The following USH2A variants were observed in gnomAD, a reference collection of about 807,000 sequenced individuals.
USH2A encodes usherin, also known as Usher syndrome 2A (autosomal recessive, mild).
In USH2A, 443 loss-of-function variants were observed where a neutral mutation model predicts 538.9. The observed-to-expected ratio is 0.82, with a 90% confidence interval of 0.76 to 0.89. The LOEUF (loss-of-function observed/expected upper bound fraction) is 0.89. Ranked by LOEUF, USH2A falls within the 40% of genes least tolerant of loss-of-function variation. The pLI is 0.00. For synonymous variants in USH2A, 2,413 were observed against 2,273.5 expected, an observed-to-expected ratio of 1.06 and a Z score of -1.75; for missense variants, 6,633 against 6,324.8, an observed-to-expected ratio of 1.05 and a Z score of -1.65.
intron 64 of USH2A, among the ~76,000 whole-genome samples, chr1:215,651,185 G>T (rs1259061834): frequency 6.6e-6 from 1 of 152,134 alleles, no homozygotes; most frequent in Non-Finnish European, 1.5e-5. Flanking sequence ...CTTAAACATT[G>T]TCCCCACCAA....
At chr1:215,658,053 C>G (rs530887878) in intron 64 of USH2A, among the ~76,000 whole-genome samples, 27 of 151,752 alleles carry the variant, frequency 1.8e-4, no homozygotes, top group African/African-American at 5.8e-4. Flanking sequence ...CCTGCCTCAG[C>G]CTCCCGAGTA....
intron 63 of USH2A, among the ~76,000 whole-genome samples, 179 bp downstream of exon 63, chr1:215,673,921 T>G (rs1657904038): frequency 6.6e-6 from 1 of 152,140 alleles, no homozygotes; most frequent in Non-Finnish European, 1.5e-5. Flanking sequence ...CTGGAGGTTA[T>G]GCAAGCAGGC....
At chr1:216,332,901 T>C (rs955559827) in intron 4 of USH2A, among the ~76,000 whole-genome samples, 2 of 152,066 alleles carry the variant, frequency 1.3e-5, no homozygotes, top group Non-Finnish European at 2.9e-5. Flanking sequence ...GTGTTTAAAA[T>C]GTCTGGTTTT....
At chr1:216,136,143 T>C (rs950329122) in intron 21 of USH2A, among the ~76,000 whole-genome samples, 8 of 152,160 alleles carry the variant, frequency 5.3e-5, no homozygotes, top group Non-Finnish European at 8.8e-5. Context: ...ACTGTAAATG[T>C]ACCCAAACCA....
At chr1:216,087,143 G>C (rs1251029133) in intron 23 of USH2A, among the ~76,000 whole-genome samples, 1 of 152,176 alleles carries the variant, frequency 6.6e-6, no homozygotes, top group Non-Finnish European at 1.5e-5. Flanking sequence ...CTGGGTCTCT[G>C]ACTGTGTGGC....
intron 13 of USH2A, among the ~76,000 whole-genome samples, chr1:216,237,227 T>A (rs899549670): frequency 6.6e-6 from 1 of 152,140 alleles, no homozygotes; most frequent in Non-Finnish European, 1.5e-5. Context: ...ACTCTGTTAA[T>A]TTTCATTTTA....
intron 38 of USH2A, among the ~76,000 whole-genome samples, chr1:215,923,347 C>T (rs1666150753): frequency 6.6e-6 from 1 of 152,096 alleles, no homozygotes; most frequent in South Asian, 2.1e-4. Context: ...AGAATCTAGT[C>T]TACCTCCTTC....
At chr1:215,689,186 G>A (rs1658522950) in intron 61 of USH2A, among the ~76,000 whole-genome samples, 1 of 152,164 alleles carries the variant, frequency 6.6e-6, no homozygotes, top group Non-Finnish European at 1.5e-5. Flanking sequence ...AGTTCAAGAT[G>A]TCAAGTAGAC....
chr1:215,708,327 T>C (rs988931246), intron 61 of USH2A, among the ~76,000 whole-genome samples: 1 of 152,214 alleles, frequency 6.6e-6, no homozygotes, highest in Non-Finnish European at 1.5e-5. Flanking sequence ...ATATACCCAG[T>C]TGGCATATAT....
At chr1:215,686,180 A>G (rs1658418345) in intron 61 of USH2A, among the ~76,000 whole-genome samples, 1 of 152,162 alleles carries the variant, frequency 6.6e-6, no homozygotes, top group Non-Finnish European at 1.5e-5. Context: ...GATGGGTAAC[A>G]CAGACTCTTG....
rs17026407 is a variant in USH2A at position 216,241,437 on chromosome 1, T to C, written c.2809+5148A>G. ...TATGTTAAACAATGGCAATACTGGATAATAATACTAAATTTTCTTCATGCA... is the reference window on the plus strand; with the variant it reads ...TATGTTAAACAATGGCAATACTGGACAATAATACTAAATTTTCTTCATGCA... On this transcript the variant is annotated intron_variant, in intron 13 of 71. Coordinates refer to ENST00000307340, the MANE Select transcript of USH2A (RefSeq NM_206933.4). 6.6e-5 allele frequency among the ~76,000 whole-genome samples: 10 copies of C among 152,282 alleles called. No homozygotes were observed. In the East Asian group the frequency reaches 1.5e-3, roughly 24 times the overall value.
intron 20 of USH2A, among the ~76,000 whole-genome samples, chr1:216,183,936 C>A (rs2034540993): frequency 6.6e-6 from 1 of 151,866 alleles, no homozygotes; most frequent in Non-Finnish European, 1.5e-5. Flanking sequence ...TGCTTAAGAG[C>A]CATGGAAATT....
intron 63 of USH2A, among the ~76,000 whole-genome samples, chr1:215,672,723 A>C (rs1657864140): frequency 6.6e-6 from 1 of 152,230 alleles, no homozygotes; most frequent in African/African-American, 2.4e-5. Flanking sequence ...TTAATCCACT[A>C]AAAACAAAAA....
intron 52 of USH2A, among the ~76,000 whole-genome samples, chr1:215,783,918 T>C (rs1238897109): frequency 6.6e-6 from 1 of 152,204 alleles, no homozygotes; most frequent in Non-Finnish European, 1.5e-5. Context: ...ATTCTCCTTA[T>C]ATACATCTCC....
At chr1:216,074,868 AT>A (rs955822659) in intron 27 of USH2A, among the ~76,000 whole-genome samples, 1 of 152,168 alleles carries the variant, frequency 6.6e-6, no homozygotes, top group Non-Finnish European at 1.5e-5. Context: ...ATGCTACATT[AT>A]TTTTTGAGGG....
At chr1:216,267,244 A>G (rs1209817820) in intron 11 of USH2A, among the ~76,000 whole-genome samples, 1 of 152,144 alleles carries the variant, frequency 6.6e-6, no homozygotes, top group African/African-American at 2.4e-5. Flanking sequence ...TTGTATGTCA[A>G]ATACAATGAA....
At chr1:216,294,180 A>G (rs114017448) in intron 9 of USH2A, among the ~76,000 whole-genome samples, 190 of 152,288 alleles carry the variant, frequency 1.2e-3, no homozygotes, top group Non-Finnish European at 1.8e-3. Flanking sequence ...AATTTTTTCC[A>G]TAGATTTAAA....
intron 9 of USH2A, among the ~76,000 whole-genome samples, chr1:216,298,595 A>G (rs185459871): frequency 5.6e-4 from 86 of 152,230 alleles, no homozygotes; most frequent in African/African-American, 1.7e-3. Context: ...TTTTGTGGAG[A>G]AAAAAACCCT....
intron 38 of USH2A, among the ~76,000 whole-genome samples, chr1:215,930,111 C>T (rs1217486833): frequency 1.3e-5 from 2 of 151,980 alleles, no homozygotes; most frequent in African/African-American, 4.8e-5. Flanking sequence ...CTTAAAAGTA[C>T]AAATGACAAA....
Sources: allele counts gnomAD v4.1 joint callset (sites outside exome capture counted in the v4.1 genomes callset), GRCh38; gene constraint gnomAD v4.1.1; transcripts MANE v1.5; gene names NCBI Gene and HGNC (gene_info 2026-07-23, HGNC 2026-07-21).